Variants in DSC1 observed in about 807,000 individuals in gnomAD.
DSC1 encodes desmocollin 1.
A neutral mutation model predicts 98.8 loss-of-function variants in DSC1; 79 were observed. The ratio of observed to expected loss-of-function variants is 0.80; its 90% CI spans 0.67 to 0.96. The LOEUF (loss-of-function observed/expected upper bound fraction) is 0.96. DSC1 is among the 50% of genes least tolerant of loss of function. DSC1 has a pLI of 0.00. For synonymous variants in DSC1, 405 were observed against 372.1 expected, an observed-to-expected ratio of 1.09 and a Z score of -1.02; for missense variants, 1,115 against 1,075.9, an observed-to-expected ratio of 1.04 and a Z score of -0.51.
intron 4 of DSC1, 111 bp from the exon 5 acceptor site, chr18:31,155,040 TC>T: frequency 3.2e-6 from 4 of 1,257,634 alleles, no homozygotes; most frequent in Non-Finnish European, 4.4e-6. Context: ...ACTCTCCTAT[TC>T]TTTCTTTCTT....
At chr18:31,147,554 T>C (rs1190964749) in intron 6 of DSC1, among the ~76,000 whole-genome samples, 3 of 152,100 alleles carry the variant, frequency 2.0e-5, no homozygotes, top group Non-Finnish European at 2.9e-5. Flanking sequence ...GTCAAGCATT[T>C]AAAAATGTTC....
chr18:31,151,322 A>C (rs1265005392), intron 5 of DSC1, among the ~76,000 whole-genome samples: 1 of 152,238 alleles, frequency 6.6e-6, no homozygotes, highest in Non-Finnish European at 1.5e-5. Flanking sequence ...TGGAATCATC[A>C]TTAAAACAGA....
intron 5 of DSC1, among the ~76,000 whole-genome samples, chr18:31,150,357 C>T (rs374623143): frequency 0.04 from 62 of 1,560 alleles, 1 homozygote; most frequent in South Asian, 0.095. Context: ...ACCACCACCA[C>T]CATCATCACC....
chr18:31,134,932 T>C lies in DSC1; in HGVS notation c.1664-148A>G, dbSNP rs1341104897. 3 of 686,466 alleles carry C rather than the reference T, an allele frequency of 4.4e-6. No individual in the cohort carries two copies. In the Admixed American group the frequency reaches 8.7e-5, roughly 20 times the overall value. The allele number at this position is 686,466 out of a possible 1,614,324, so 42.5% of individuals were successfully genotyped here. A position where few individuals can be genotyped will look rare whatever the true frequency, so the allele number is the denominator to read the frequency against. The stretch of plus-strand genomic sequence containing the variant: ...CTTCCCAGATTTCAGACACCAAGAC[T>C]ACAAAATAGGGACATGTCACTTTTC... On this transcript the variant is annotated intron_variant, in intron 11 of 15. Coordinates refer to ENST00000257198, the MANE Select transcript of DSC1 (RefSeq NM_024421.2).
At chr18:31,138,488 T>G (rs1002621933) in intron 11 of DSC1, among the ~76,000 whole-genome samples, 4 of 152,072 alleles carry the variant, frequency 2.6e-5, no homozygotes, top group Admixed American at 2.6e-4. Flanking sequence ...TGTCAGCTTG[T>G]CTAATACTTA....
intron 5 of DSC1, among the ~76,000 whole-genome samples, chr18:31,152,106 G>A (rs1028204977): frequency 6.6e-6 from 1 of 151,846 alleles, no homozygotes; most frequent in Non-Finnish European, 1.5e-5. Context: ...AGGTTGCAGT[G>A]AGCCGAGATC....
intron 1 of DSC1, 92 bp downstream of exon 1, chr18:31,162,440 A>G (rs1989226811): frequency 8.3e-7 from 1 of 1,204,694 alleles, no homozygotes; most frequent in South Asian, 1.3e-5. Flanking sequence ...TCTGCCTCCC[A>G]TCCTCACTCC....
intron 7 of DSC1, among the ~76,000 whole-genome samples, chr18:31,144,936 C>CTTTTTTTTT (rs200787420): frequency 3.1e-5 from 3 of 95,310 alleles, no homozygotes; most frequent in South Asian, 2.8e-4. Context: ...TTTTCTTTTT[C>CTTTTTTTTT]TTTCTTTTTT....
rs201490221 is a variant in DSC1 at position 31,134,116 on chromosome 18, G to A, written c.1891C>T (p.Leu631Phe). ...IEEKDGKTAI[L>F]RQRQNLDYNY... ...TAATCAAGATTTTGCCGTTGACGAAGAATGGCAGTTTTACCTAGGGAAAAA... is the reference window on the plus strand; with the variant it reads ...TAATCAAGATTTTGCCGTTGACGAAAAATGGCAGTTTTACCTAGGGAAAAA... Residue 631 changes from leucine (L) to phenylalanine (F), a missense_variant, in exon 13 of 16, where the codon CTT (leucine) becomes TTT (phenylalanine). Leu to Phe is a conservative substitution (Grantham distance 22). Coordinates refer to ENST00000257198, the MANE Select transcript of DSC1 (RefSeq NM_024421.2). 54 of 1,603,828 alleles carry A rather than the reference G, an allele frequency of 3.4e-5. No individual in the cohort carries two copies. The highest frequency in any genetic ancestry group is 3.4e-6 in the Non-Finnish European group (4 of 1,179,120).
Position 31,133,849 on chromosome 18 carries a change from T to G in DSC1, c.2116+42A>C, listed in dbSNP as rs73954543. ...ATGTTTTAAAAATACTAGATAAAAT[T>G]TTAGCTAACACATTCTAGATAATGA... On this transcript the variant is annotated intron_variant, in intron 13 of 15. Transcript: ENST00000257198. 3,472 of 1,536,704 alleles carry G rather than the reference T, an allele frequency of 2.3e-3. 82 individuals carry two copies. The African/African-American group carries it at 0.044, about 20-fold the overall frequency.
intron 6 of DSC1, among the ~76,000 whole-genome samples, chr18:31,148,092 A>G (rs569556575): frequency 3.3e-5 from 5 of 152,262 alleles, no homozygotes; most frequent in Admixed American, 3.3e-4. Context: ...TTTTATACTG[A>G]ACAACAACTT....
intron 2 of DSC1, among the ~76,000 whole-genome samples, chr18:31,158,041 G>A (rs193196426): frequency 3.2e-4 from 49 of 152,240 alleles, no homozygotes; most frequent in African/African-American, 1.1e-3. Context: ...GGCCGAGGTG[G>A]GAGGATCACA....
At chr18:31,151,809 G>A (rs1332620360) in intron 5 of DSC1, among the ~76,000 whole-genome samples, 1 of 152,170 alleles carries the variant, frequency 6.6e-6, no homozygotes, top group African/African-American at 2.4e-5. Context: ...TACAGAATGT[G>A]AATTAACAGC....
At chr18:31,131,259 T>C (rs1252565847) in intron 15 of DSC1, among the ~76,000 whole-genome samples, 1 of 152,228 alleles carries the variant, frequency 6.6e-6, no homozygotes, top group Non-Finnish European at 1.5e-5. Context: ...GAAATGTTTA[T>C]AATTTATGAT....
chr18:31,150,953 C>T (rs1425046741), intron 5 of DSC1: 2 of 152,148 alleles, frequency 1.3e-5, no homozygotes, highest in Non-Finnish European at 2.9e-5. Context: ...GGAAGACAAA[C>T]TACGCCTTCA....
In DSC1 at chr18:31,147,696, T is replaced by C. The variant is rs146282083; in HGVS notation, c.772+802A>G. Among the ~76,000 whole-genome samples the C allele has an allele frequency of 5.7e-3, 875 of 152,188 alleles. 8 individuals carry two copies. Among genetic ancestry groups the C allele is most frequent in the African/African-American group, 0.02 (831 of 41,536 alleles). On this transcript the variant is annotated intron_variant, in intron 6 of 15. Transcript: ENST00000257198. ...AATGAAAGCTAATACCCAACAGTCA[T>C]TTAATAAAGAGAATTCAGGAAAACA... is the stretch of plus-strand genomic sequence containing the variant.
chr18:31,143,847 A>T, intron 7 of DSC1, 56 bp from the exon 8 acceptor site: 1 of 1,398,410 alleles, frequency 7.2e-7, no homozygotes, highest in Non-Finnish European at 9.5e-7. Flanking sequence ...ATAACTTGCA[A>T]TTCTCACAAC....
chr18:31,149,494 T>G (rs1172265239), intron 5 of DSC1, among the ~76,000 whole-genome samples: 1 of 152,188 alleles, frequency 6.6e-6, no homozygotes, highest in Non-Finnish European at 1.5e-5. Flanking sequence ...CATTTTTGTG[T>G]GTGTCATGCA....
At chr18:31,133,846 A>C in intron 13 of DSC1, 45 bp downstream of exon 13, 1 of 1,533,432 alleles carries the variant, frequency 6.5e-7, no homozygotes, top group Non-Finnish European at 8.8e-7. Flanking sequence ...TACTAGATAA[A>C]ATTTTAGCTA....
Sources: gnomAD v4.1 joint callset for allele counts (sites outside exome capture counted in the v4.1 genomes callset) on GRCh38, gnomAD v4.1.1 for gene constraint, MANE v1.5 for transcripts, NCBI Gene and HGNC (gene_info 2026-07-23, HGNC 2026-07-21) for gene names.